Variants in CACNB2 observed in about 807,000 individuals in gnomAD.
CACNB2 encodes calcium voltage-gated channel auxiliary subunit beta 2, also known as voltage-dependent L-type calcium channel subunit beta-2.
In CACNB2, 42 loss-of-function variants were observed where a neutral mutation model predicts 73.3. The observed-to-expected ratio is 0.57, with a 90% confidence interval of 0.45 to 0.74. The LOEUF is 0.74. Among genes scored for constraint, CACNB2 ranks in the 30% least tolerant of loss-of-function variants. The probability of loss-of-function intolerance (pLI) is 0.00; values close to 1 mark genes in which losing one functional copy is unlikely to be tolerated. For synonymous variants in CACNB2, 348 were observed against 310.3 expected (o/e 1.12, Z -1.28); for missense variants, 940 against 853.0 (o/e 1.10, Z -1.27).
At chr10:18,143,488 A>T (rs1168705236) in intron 1 of CACNB2, among the ~76,000 whole-genome samples, 1 of 152,254 alleles carries the variant, frequency 6.6e-6, no homozygotes, top group East Asian at 1.9e-4. Flanking sequence ...AGTTTAAGAG[A>T]TATAAATATT....
At chr10:18,475,553 C>T (rs955027377) in intron 3 of CACNB2, among the ~76,000 whole-genome samples, 3 of 152,130 alleles carry the variant, frequency 2.0e-5, no homozygotes, top group East Asian at 3.9e-4. Context: ...TGATGCTCAC[C>T]GCTGGACCAC....
At chr10:18,437,334 A>G (rs953516919) in intron 3 of CACNB2, among the ~76,000 whole-genome samples, 3 of 150,710 alleles carry the variant, frequency 2.0e-5, no homozygotes, top group Non-Finnish European at 4.4e-5. Flanking sequence ...GCCATTGAAC[A>G]ATGAGAGGTT....
chr10:18,418,563 A>G (rs2045134082), intron 3 of CACNB2, among the ~76,000 whole-genome samples: 1 of 152,240 alleles, frequency 6.6e-6, no homozygotes, highest in Non-Finnish European at 1.5e-5. Flanking sequence ...ATGTGCCTGT[A>G]ACAGTAACTG....
intron 3 of CACNB2, among the ~76,000 whole-genome samples, chr10:18,472,221 CTTTTTTTTTTT>C (rs200348808): frequency 1.8e-4 from 22 of 119,416 alleles, no homozygotes; most frequent in South Asian, 9.8e-4. Flanking sequence ...CACTTTTCTT[CTTTTTTTTTTT>C]TTTTTTTTTT....
rs775370267 is a variant in CACNB2 at position 18,538,141 on chromosome 10, G to C, written c.1303-39G>C. ...GGAGGTGGGAAGGGGGTGAAAACTG[G>C]GCTGGCATCAATGTGGTCTGGAATG... On this transcript the variant is annotated intron_variant, in intron 12 of 13. Transcript: ENST00000324631. 9 of 1,608,086 alleles carry C rather than the reference G, an allele frequency of 5.6e-6. No individual in the cohort carries two copies. In the East Asian group the frequency reaches 1.6e-4, roughly 28 times the overall value.
At chr10:18,361,972 T>C (rs2042160758) in intron 2 of CACNB2, among the ~76,000 whole-genome samples, 1 of 152,160 alleles carries the variant, frequency 6.6e-6, no homozygotes, top group African/African-American at 2.4e-5. Flanking sequence ...ACTTCCATAT[T>C]ATTACTGCTA....
intron 2 of CACNB2, among the ~76,000 whole-genome samples, chr10:18,374,899 G>A (rs1050933647): frequency 6.6e-6 from 1 of 152,136 alleles, no homozygotes; most frequent in African/African-American, 2.4e-5. Flanking sequence ...TAGACTCTCA[G>A]ATTTAGTATT....
chr10:18,292,099 A>G (rs1305059823), intron 2 of CACNB2, among the ~76,000 whole-genome samples: 1 of 152,206 alleles, frequency 6.6e-6, no homozygotes, highest in African/African-American at 2.4e-5. Flanking sequence ...ACATGTTTTC[A>G]ACTCCAAAAC....
chr10:18,211,190 G>C (rs1357849711), intron 2 of CACNB2, among the ~76,000 whole-genome samples: 1 of 152,138 alleles, frequency 6.6e-6, no homozygotes, highest in South Asian at 2.1e-4. Context: ...GAGAAACAGA[G>C]GGGTAGAGAA....
chr10:18,189,563 G>C (rs2034303784), intron 2 of CACNB2, among the ~76,000 whole-genome samples: 1 of 152,102 alleles, frequency 6.6e-6, no homozygotes, highest in Non-Finnish European at 1.5e-5. Context: ...CCTAGCGTTT[G>C]CTATGGCAGG....
rs754660665 is a variant in CACNB2, at chr10:18,150,886, T to G, written c.124T>G (p.Tyr42Asp). The G allele has an allele frequency of 4.1e-6, 5 of 1,232,682 alleles. No homozygotes were observed. Among genetic ancestry groups the G allele is most frequent in the African/African-American group, 3.1e-5 (2 of 63,830 alleles). The allele number at this position is 1,232,682 out of a possible 1,614,324, so 76.4% of individuals were successfully genotyped here. Residue 42 changes from tyrosine to aspartate, a missense_variant, in exon 2 of 14, where the codon TAT becomes GAT. By Grantham distance (160) the Tyr-to-Asp change is radical. Coordinates refer to ENST00000324631, the MANE Select transcript of CACNB2 (RefSeq NM_201596.3). ...TTTTTTTTTTTTTTTTTTTTAGTCATATGGAAAAGGAGCCAGAAGGAAAAA... is the reference window on the plus strand; with the variant it reads ...TTTTTTTTTTTTTTTTTTTTAGTCAGATGGAAAAGGAGCCAGAAGGAAAAA... ...AGALGAAAQS[Y>D]GKGARRKNRF...
intron 9 of CACNB2, chr10:18,519,733 A>C: frequency 2.2e-6 from 1 of 456,152 alleles, no homozygotes; most frequent in Non-Finnish European, 4.4e-6. Flanking sequence ...TCCTTGAAAG[A>C]ATTGAGTGTA....
intron 2 of CACNB2, among the ~76,000 whole-genome samples, chr10:18,388,973 C>G (rs1255911992): frequency 6.6e-6 from 1 of 152,128 alleles, no homozygotes; most frequent in Non-Finnish European, 1.5e-5. Context: ...ATGTATAAAT[C>G]ATCTCTTTTA....
chr10:18,164,492 T>C (rs1297924451), intron 2 of CACNB2, among the ~76,000 whole-genome samples: 1 of 152,130 alleles, frequency 6.6e-6, no homozygotes, highest in East Asian at 1.9e-4. Flanking sequence ...TGTTAGACAA[T>C]TCTGCAGGCA....
intron 9 of CACNB2, 135 bp from the exon 10 acceptor site, chr10:18,527,453 G>A: frequency 1.5e-6 from 1 of 655,876 alleles, no homozygotes; most frequent in Non-Finnish European, 2.7e-6. Context: ...GAATAAGTAA[G>A]TATCCTAACA....
intron 2 of CACNB2, among the ~76,000 whole-genome samples, chr10:18,276,538 G>A (rs1049539439): frequency 2.0e-5 from 3 of 152,192 alleles, no homozygotes; most frequent in East Asian, 1.9e-4. Context: ...ACAGTGGCAC[G>A]CACCCAGCTC....
chr10:18,202,025 T>A (rs537890457), intron 2 of CACNB2, among the ~76,000 whole-genome samples: 1 of 152,340 alleles, frequency 6.6e-6, no homozygotes, highest in South Asian at 2.1e-4. Context: ...AAGATTCTAA[T>A]TTTTATGAAA....
At chr10:18,515,008 G>C in intron 7 of CACNB2, 4 of 1,613,876 alleles carry the variant, frequency 2.5e-6, no homozygotes, top group Non-Finnish European at 2.5e-6. Context: ...AACAAGACCA[G>C]TGGAAAACTG....
chr10:18,539,505 C>T lies in CACNB2; in HGVS notation c.1764C>T (p.His588=), dbSNP rs1280807136. 4.3e-6 allele frequency: 7 copies of T among 1,614,032 alleles called. No individual in the cohort carries two copies. The highest frequency in any genetic ancestry group is 5.9e-6 in the Non-Finnish European group (7 of 1,180,006). Residue 588 remains histidine (H), a synonymous_variant, in exon 14 of 14, where the codon CAC becomes CAT. Transcript: ENST00000324631. ...ACCACTATGCCTCACACCGTGACCA[C>T]AACCACAGAGACGAGACCCACGGGA... is the stretch of plus-strand genomic sequence containing the variant. ...HVDHYASHRD[H]NHRDETHGSS... is the part of the protein sequence containing the mutation.
Sources: gnomAD v4.1 joint callset for allele counts (sites outside exome capture counted in the v4.1 genomes callset) on GRCh38, gnomAD v4.1.1 for gene constraint, MANE v1.5 for transcripts, NCBI Gene and HGNC (gene_info 2026-07-23, HGNC 2026-07-21) for gene names.